The following SVIL variants were observed in gnomAD, a reference collection of about 807,000 sequenced individuals.
SVIL encodes the protein archvillin.
Under a neutral mutation model 240.4 loss-of-function variants are expected in SVIL, and 101 were observed. The ratio of observed to expected loss-of-function variants is 0.42; its 90% CI spans 0.36 to 0.50. SVIL has a LOEUF of 0.50. SVIL is among the 20% of genes least tolerant of loss of function. SVIL has a pLI of 0.01. For synonymous variants in SVIL, 999 were observed against 1,100.0 expected (o/e 0.91, Z 1.82); for missense variants, 2,512 against 2,818.7 (o/e 0.89, Z 2.46).
At chr10:29,698,994 CTG>C (rs1306316836) in intron 1 of SVIL, among the ~76,000 whole-genome samples, 1 of 152,238 alleles carries the variant, frequency 6.6e-6, no homozygotes, top group East Asian at 1.9e-4. Flanking sequence ...CACTATAAAA[CTG>C]TATTTCAGTG....
intron 6 of SVIL, among the ~76,000 whole-genome samples, chr10:29,539,533 A>G (rs2132594965): frequency 6.6e-6 from 1 of 152,318 alleles, no homozygotes; most frequent in South Asian, 2.1e-4. Context: ...CTGAAATGAA[A>G]ATGAGAGAGG....
rs983086626 is a variant in SVIL, at chr10:29,611,435, C to T, written c.-201+22985G>A. ...GGAACGTGTCAAGTGGTTACTCATC[C>T]CCAACTACTCCCAAGCAGGACGGCA... On this transcript the variant is annotated intron_variant, in intron 1 of 37. Transcript: ENST00000355867. Among the ~76,000 whole-genome samples the T allele has an allele frequency of 4.0e-5, 6 of 151,622 alleles. No individual in the cohort carries two copies. The South Asian group carries it at 1.3e-3, about 32-fold the overall frequency.
intron 1 of SVIL, among the ~76,000 whole-genome samples, chr10:29,579,991 GGATA>G (rs1207095689): frequency 1.3e-5 from 2 of 151,992 alleles, no homozygotes; most frequent in Non-Finnish European, 2.9e-5. Flanking sequence ...GCCTGACCTA[GGATA>G]GATACATCAA....
intron 2 of SVIL, among the ~76,000 whole-genome samples, chr10:29,672,912 TTTG>T (rs957982326): frequency 9.2e-5 from 14 of 151,972 alleles, no homozygotes; most frequent in African/African-American, 3.1e-4. Flanking sequence ...TTTGTTTTGT[TTTG>T]TTGTTGTTGT....
intron 16 of SVIL, among the ~76,000 whole-genome samples, chr10:29,514,845 G>A (rs1310479540): frequency 6.6e-6 from 1 of 152,180 alleles, no homozygotes; most frequent in East Asian, 1.9e-4. Flanking sequence ...TTGTTTTGGA[G>A]ATGGGATGAG....
At chr10:29,599,991 A>T (rs1286191848) in intron 1 of SVIL, among the ~76,000 whole-genome samples, 1 of 152,016 alleles carries the variant, frequency 6.6e-6, no homozygotes, top group Non-Finnish European at 1.5e-5. Context: ...TACATGTGGC[A>T]AAAGAGGTAC....
At chr10:29,589,704 G>A (rs1228579917) in intron 1 of SVIL, among the ~76,000 whole-genome samples, 2 of 152,146 alleles carry the variant, frequency 1.3e-5, no homozygotes, top group African/African-American at 2.4e-5. Flanking sequence ...AAGACTCCTG[G>A]AACAGGGGGT....
intron 1 of SVIL, among the ~76,000 whole-genome samples, chr10:29,734,740 A>C (rs1164528371): frequency 6.6e-6 from 1 of 152,138 alleles, no homozygotes; most frequent in Admixed American, 6.5e-5. Context: ...GTTTCTCTTC[A>C]ATACCACCTC....
intron 18 of SVIL, among the ~76,000 whole-genome samples, chr10:29,498,274 C>T (rs559573939): frequency 2.0e-5 from 3 of 151,498 alleles, no homozygotes; most frequent in South Asian, 4.2e-4. Context: ...AAAAATTAGC[C>T]AGGCATGGTG....
At chr10:29,578,176 G>C (rs1424858821) in intron 1 of SVIL, among the ~76,000 whole-genome samples, 3 of 152,114 alleles carry the variant, frequency 2.0e-5, no homozygotes, top group African/African-American at 7.2e-5. Context: ...AGAATGACAG[G>C]AAATAAACCA....
chr10:29,541,797 G>A (rs1589174042), intron 6 of SVIL, among the ~76,000 whole-genome samples: 1 of 32,868 alleles, frequency 3.0e-5, no homozygotes, highest in East Asian at 7.2e-4. Context: ...TCAGCCATTC[G>A]CGGGGCTGTG....
rs528718584 is a variant in SVIL at position 29,625,372 on chromosome 10, G to A, written c.-201+9048C>T. 7.2e-5 allele frequency among the ~76,000 whole-genome samples: 11 copies of A among 152,262 alleles called. No individual in the cohort carries two copies. In the East Asian group the frequency reaches 1.9e-3, roughly 27 times the overall value. ...TAATGAAATCAACGTTTTATAGACC[G>A]AATGTTATGATAGCAGAGAAAGCAT... On this transcript the variant is annotated intron_variant, in intron 1 of 37. Coordinates refer to ENST00000355867, the MANE Select transcript of SVIL (RefSeq NM_021738.3).
At chr10:29,729,594 G>A (rs1284057800) in intron 1 of SVIL, among the ~76,000 whole-genome samples, 1 of 150,832 alleles carries the variant, frequency 6.6e-6, no homozygotes, top group Non-Finnish European at 1.5e-5. Context: ...CCAGCACTTT[G>A]GGAGGCCGAG....
At chr10:29,499,483 C>A (rs1214867282) in intron 17 of SVIL, among the ~76,000 whole-genome samples, 1 of 152,176 alleles carries the variant, frequency 6.6e-6, no homozygotes, top group African/African-American at 2.4e-5. Flanking sequence ...TAGATGAATG[C>A]CTCTGTCCTG....
At chr10:29,616,771 G>A (rs1390679342) in intron 1 of SVIL, among the ~76,000 whole-genome samples, 1 of 152,136 alleles carries the variant, frequency 6.6e-6, no homozygotes, top group Admixed American at 6.5e-5. Context: ...CACCCATGCT[G>A]GAGTGCAGTG....
At chr10:29,610,050 C>A (rs1485296733) in intron 1 of SVIL, among the ~76,000 whole-genome samples, 1 of 152,192 alleles carries the variant, frequency 6.6e-6, no homozygotes, top group Non-Finnish European at 1.5e-5. Context: ...ACTGGACAGG[C>A]TCATCACCGT....
rs75417301 is a variant in SVIL at position 29,715,026 on chromosome 10, A to G, written c.-400+20725T>C. On this transcript the variant is annotated intron_variant, in intron 1 of 35. Coordinates refer to the SVIL transcript ENST00000375400. ...AGGAAGAAAAAGACTTGAGAAACCT[A>G]AGATCTAAGTAAACACCCCTAATAT... is the stretch of plus-strand genomic sequence containing the variant. 1.3e-3 allele frequency among the ~76,000 whole-genome samples: 194 copies of G among 152,108 alleles called. 5 individuals carry two copies. In the East Asian group the frequency reaches 0.021, roughly 17 times the overall value.
At chr10:29,711,103 TA>T in intron 1 of SVIL, among the ~76,000 whole-genome samples, 1 of 148,918 alleles carries the variant, frequency 6.7e-6, no homozygotes, top group South Asian at 2.1e-4. Context: ...AACAAACCAA[TA>T]AAAAAATTCA....
chr10:29,643,704 C>T (rs904057829), intron 3 of SVIL, among the ~76,000 whole-genome samples: 1 of 152,174 alleles, frequency 6.6e-6, no homozygotes, highest in Non-Finnish European at 1.5e-5. Flanking sequence ...TGTCTGGTCT[C>T]GCTTTTTCTC....
Sources: gnomAD v4.1 joint callset for allele counts (sites outside exome capture counted in the v4.1 genomes callset) on GRCh38, gnomAD v4.1.1 for gene constraint, MANE v1.5 for transcripts, NCBI Gene and HGNC (gene_info 2026-07-23, HGNC 2026-07-21) for gene names.